Variants in RYR3 observed in about 807,000 individuals in gnomAD.
RYR3 encodes the protein brain ryanodine receptor-calcium release channel.
RYR3 carries 207 observed loss-of-function variants against 584.3 expected under a neutral mutation model. That is an observed-to-expected ratio of 0.35 (90% CI 0.32 to 0.40). RYR3 has a LOEUF of 0.40. Among genes scored for constraint, RYR3 ranks in the 10% least tolerant of loss-of-function variants. The pLI is 1.00. For synonymous variants in RYR3, 2,416 were observed against 2,248.5 expected (o/e 1.07, Z -2.11); for missense variants, 5,616 against 6,089.2 (o/e 0.92, Z 2.59).
chr15:33,547,746 A>T (rs898540759), intron 8 of RYR3, among the ~76,000 whole-genome samples: 4 of 152,198 alleles, frequency 2.6e-5, no homozygotes, highest in African/African-American at 9.6e-5. Context: ...TTTTTTAAAG[A>T]TATAATAAAA....
At chr15:33,775,557 C>G (rs1175195465) in intron 64 of RYR3, among the ~76,000 whole-genome samples, 1 of 152,162 alleles carries the variant, frequency 6.6e-6, no homozygotes, top group Non-Finnish European at 1.5e-5. Flanking sequence ...TCAGTGCATC[C>G]TAGAGTCATA....
intron 1 of RYR3, among the ~76,000 whole-genome samples, chr15:33,371,646 C>T (rs932392894): frequency 6.6e-6 from 1 of 152,174 alleles, no homozygotes; most frequent in African/African-American, 2.4e-5. Flanking sequence ...GCAGACAAGA[C>T]AGCAGAGAAA....
chr15:33,665,253 G>A (rs1450716579), intron 36 of RYR3, among the ~76,000 whole-genome samples: 2 of 152,156 alleles, frequency 1.3e-5, no homozygotes, highest in Non-Finnish European at 2.9e-5. Flanking sequence ...CCCATTGCTC[G>A]CTGTGTGGTC....
At position 33,818,668 on chromosome 15, in the gene RYR3, G is replaced by A; in HGVS notation, c.10690G>A (p.Ala3564Thr). 1.9e-6 allele frequency: 3 copies of A among 1,613,562 alleles called. No individual in the cohort carries two copies. The highest frequency in any genetic ancestry group is 2.2e-5 in the East Asian group (1 of 44,864). Residue 3564 changes from alanine (A) to threonine (T), a missense_variant, in exon 76 of 104, where the codon GCT becomes ACT. By Grantham distance (58) the Ala-to-Thr change is moderately conservative. Coordinates refer to ENST00000634891, the MANE Select transcript of RYR3 (RefSeq NM_001036.6). Reference sequence around the variant, plus strand: ...GATCATTCTCTATTTTAGCCGCAACGCTCTCACGGAGAGGAGGTCAGAACC... The same window carrying A: ...GATCATTCTCTATTTTAGCCGCAACACTCTCACGGAGAGGAGGTCAGAACC... ...HQIILYFSRN[A>T]LTERSKLEDD...
intron 58 of RYR3, among the ~76,000 whole-genome samples, chr15:33,755,438 G>A (rs2071723462): frequency 6.6e-6 from 1 of 152,074 alleles, no homozygotes; most frequent in Non-Finnish European, 1.5e-5. Context: ...GGCCAACATG[G>A]TGAAATCCCA....
chr15:33,669,301 T>A (rs1336841712), intron 36 of RYR3, 53 bp from the exon 37 acceptor site: 2 of 1,423,846 alleles, frequency 1.4e-6, no homozygotes, highest in Non-Finnish European at 2.0e-6. Context: ...GGATCTGAGT[T>A]CCCTTGGCCA....
chr15:33,819,710 AT>A, intron 76 of RYR3, 45 bp from the exon 77 acceptor site: 1 of 785,546 alleles, frequency 1.3e-6, no homozygotes, highest in Non-Finnish European at 1.8e-6. Flanking sequence ...AAATAAATAA[AT>A]AAATAAATAA....
At chr15:33,343,334 T>A (rs566224858) in intron 1 of RYR3, among the ~76,000 whole-genome samples, 219 of 152,270 alleles carry the variant, frequency 1.4e-3, no homozygotes, top group African/African-American at 8.7e-4. Context: ...AAATAAATTT[T>A]AAAAAAACCC....
At position 33,859,599 on chromosome 15, in the gene RYR3, GGAGT is replaced by G. The variant is rs2080119425; in HGVS notation, c.14171_14174del (p.Val4724GlufsTer52). 2 of 1,613,888 alleles carry G rather than the reference GGAGT, an allele frequency of 1.2e-6. No homozygotes were observed. On this transcript the variant is annotated frameshift_variant, in exon 100 of 104. Coordinates refer to ENST00000634891, the MANE Select transcript of RYR3 (RefSeq NM_001036.6). LOFTEE classifies it high-confidence loss of function. ...GTGTTACCTTTTCCACATGTACGTGGGAGTGAGAGCAGGAGGTGGCATTGGTGAT... is the reference window on the plus strand; with the variant it reads ...GTGTTACCTTTTCCACATGTACGTGGGAGAGCAGGAGGTGGCATTGGTGAT...
intron 64 of RYR3, among the ~76,000 whole-genome samples, chr15:33,774,537 T>C (rs1159531412): frequency 3.3e-5 from 5 of 152,118 alleles, no homozygotes; most frequent in South Asian, 2.1e-4. Flanking sequence ...AAAGATGAAA[T>C]AAAAGACTTC....
chr15:33,789,986 C>CTTTTATT (rs2075050951), intron 67 of RYR3, among the ~76,000 whole-genome samples: 1 of 53,250 alleles, frequency 1.9e-5, no homozygotes, highest in Non-Finnish European at 3.1e-5. Context: ...GCCTGGCCTT[C>CTTTTATT]TTTTTTTTTT....
At chr15:33,361,077 G>A (rs1006304206) in intron 1 of RYR3, among the ~76,000 whole-genome samples, 4 of 152,210 alleles carry the variant, frequency 2.6e-5, no homozygotes, top group African/African-American at 4.8e-5. Context: ...TCTAGCTGGA[G>A]GCTTCTCAGC....
intron 72 of RYR3, among the ~76,000 whole-genome samples, chr15:33,811,534 C>T (rs1363760288): frequency 6.7e-6 from 1 of 149,952 alleles, no homozygotes; most frequent in African/African-American, 2.5e-5. Flanking sequence ...AGTACTGGTA[C>T]ATAAACTGCC....
chr15:33,488,167 C>T lies in RYR3; in HGVS notation c.171+14629C>T, dbSNP rs533370704. On this transcript the variant is annotated intron_variant, in intron 2 of 103. Transcript: ENST00000634891. ...CTTGAGGCAATACCAAACCCCTCTT[C>T]TTATTTAAAGGCAATCTGTACCTTA... 2.0e-3 allele frequency among the ~76,000 whole-genome samples: 300 copies of T among 152,280 alleles called. 1 individual carries two copies. Among genetic ancestry groups the T allele is most frequent in the African/African-American group, 7.1e-3 (297 of 41,572 alleles).
intron 36 of RYR3, among the ~76,000 whole-genome samples, chr15:33,667,807 T>C (rs2152716767): frequency 6.6e-6 from 1 of 152,246 alleles, no homozygotes; most frequent in Admixed American, 6.5e-5. Context: ...CTCATGCCTG[T>C]AATCCTAGCA....
chr15:33,322,987 G>A (rs1185398433), intron 1 of RYR3, among the ~76,000 whole-genome samples: 1 of 151,204 alleles, frequency 6.6e-6, no homozygotes, highest in Non-Finnish European at 1.5e-5. Flanking sequence ...TTACAGTAAG[G>A]TAGACAAGAG....
intron 1 of RYR3, among the ~76,000 whole-genome samples, chr15:33,328,088 C>T (rs1252143159): frequency 6.6e-6 from 1 of 152,130 alleles, no homozygotes; most frequent in Non-Finnish European, 1.5e-5. Flanking sequence ...CTGATATAGC[C>T]CTAATGGCCA....
chr15:33,402,735 A>G (rs2596214), intron 1 of RYR3, among the ~76,000 whole-genome samples: 96,767 of 152,178 alleles, frequency 0.64, 31,104 homozygotes, highest in African/African-American at 0.73. Flanking sequence ...GAGGGGCCCC[A>G]GGACGACAAT....
At chr15:33,326,948 A>C (rs953238812) in intron 1 of RYR3, among the ~76,000 whole-genome samples, 22 of 152,142 alleles carry the variant, frequency 1.4e-4, no homozygotes, top group African/African-American at 5.3e-4. Flanking sequence ...TCTGATACTA[A>C]ATCATTTGTG....
Sources: gnomAD v4.1 joint callset for allele counts (sites outside exome capture counted in the v4.1 genomes callset) on GRCh38, gnomAD v4.1.1 for gene constraint, MANE v1.5 for transcripts, NCBI Gene and HGNC (gene_info 2026-07-23, HGNC 2026-07-21) for gene names.